Variants in INTS6 observed in about 807,000 individuals in gnomAD.
INTS6 encodes the protein integrator complex subunit 6.
Under a neutral mutation model 104.9 loss-of-function variants are expected in INTS6, and 16 were observed. That is an observed-to-expected ratio of 0.15 (90% CI 0.10 to 0.23). INTS6 has a LOEUF of 0.23. Ranked by LOEUF, INTS6 falls within the 10% of genes least tolerant of loss-of-function variation. INTS6 has a pLI of 1.00. For synonymous variants in INTS6, 324 were observed against 358.7 expected, an observed-to-expected ratio of 0.90 and a Z score of 1.09; for missense variants, 584 against 1,062.8, an observed-to-expected ratio of 0.55 and a Z score of 6.26.
intron 3 of INTS6, among the ~76,000 whole-genome samples, chr13:51,432,819 G>A (rs1045452378): frequency 3.3e-5 from 5 of 152,198 alleles, no homozygotes; most frequent in East Asian, 3.9e-4. Context: ...CTACTCATTC[G>A]TGTTGGCCAT....
chr13:51,374,314 G>A lies in INTS6; in HGVS notation c.1998C>T (p.Gly666=). ...RRRCMSPLLR[G]RQQNPVVNNH... is the part of the protein sequence containing the mutation. ...TGTTTACAACAGGATTCTGCTGTCTGCCTCTTAGTAGTGGAGACATACACC... is the reference window on the plus strand; with the variant it reads ...TGTTTACAACAGGATTCTGCTGTCTACCTCTTAGTAGTGGAGACATACACC... Residue 666 remains glycine (G), a synonymous_variant, in exon 15 of 18, where the codon GGC becomes GGT. Coordinates refer to ENST00000311234, the MANE Select transcript of INTS6 (RefSeq NM_012141.3). 1 of 1,613,898 alleles carries A rather than the reference G, an allele frequency of 6.2e-7. No individual in the cohort carries two copies. The highest frequency in any genetic ancestry group is 8.5e-7 in the Non-Finnish European group (1 of 1,179,792).
chr13:51,451,230 A>G (rs905729727), intron 2 of INTS6, 56 bp from the exon 3 acceptor site: 2 of 1,398,032 alleles, frequency 1.4e-6, no homozygotes, highest in Admixed American at 2.6e-5. Flanking sequence ...ATGTACACAG[A>G]GCCGTTATAA....
At chr13:51,367,996 A>C in intron 16 of INTS6, 98 bp from the exon 17 acceptor site, 1 of 574,024 alleles carries the variant, frequency 1.7e-6, no homozygotes, top group Non-Finnish European at 2.9e-6. Flanking sequence ...AGATATACTG[A>C]GATAAAAACA....
At chr13:51,368,884 GC>G in intron 16 of INTS6, 54 bp downstream of exon 16, 1 of 1,478,720 alleles carries the variant, frequency 6.8e-7, no homozygotes, top group South Asian at 1.5e-5. Context: ...TTTCTTTTTT[GC>G]TTTTTGAGCA....
intron 7 of INTS6, among the ~76,000 whole-genome samples, chr13:51,387,180 G>A (rs1956155846): frequency 6.6e-6 from 1 of 152,150 alleles, no homozygotes; most frequent in Non-Finnish European, 1.5e-5. Flanking sequence ...CGAAGGAGAT[G>A]CCTTTTTTCT....
At chr13:51,423,278 G>GT (rs1471018761) in intron 4 of INTS6, among the ~76,000 whole-genome samples, 4 of 152,006 alleles carry the variant, frequency 2.6e-5, no homozygotes, top group Non-Finnish European at 4.4e-5. Context: ...AAAATTAAGT[G>GT]TAACTATCAC....
At chr13:51,398,789 C>T (rs1393022092) in intron 4 of INTS6, among the ~76,000 whole-genome samples, 3 of 147,230 alleles carry the variant, frequency 2.0e-5, no homozygotes, top group African/African-American at 7.5e-5. Context: ...AAACGGGAAA[C>T]AATTTAGAAG....
the INTS6 span, among the ~76,000 whole-genome samples, chr13:51,343,378 C>A: frequency 1.3e-5 from 2 of 152,190 alleles, no homozygotes; most frequent in Non-Finnish European, 2.9e-5. Context: ...CTGGACTCAC[C>A]AGTGGGCAAG....
At chr13:51,417,628 G>T (rs895137199) in intron 4 of INTS6, among the ~76,000 whole-genome samples, 3 of 151,650 alleles carry the variant, frequency 2.0e-5, no homozygotes, top group Admixed American at 6.6e-5. Context: ...CTAATTTTTT[G>T]TATTTTTTAA....
intron 3 of INTS6, chr13:51,450,559 A>G: frequency 1.0e-6 from 1 of 985,498 alleles, no homozygotes; most frequent in Non-Finnish European, 1.2e-6. Context: ...CCAGTGAAAA[A>G]CTTCTTACCT....
intron 2 of INTS6, chr13:51,451,720 G>A (rs1953053751): frequency 5.2e-6 from 1 of 193,600 alleles, no homozygotes; most frequent in Non-Finnish European, 1.0e-5. Flanking sequence ...GTTGATAGCA[G>A]CGCCGCCGCC....
At chr13:51,375,254 A>G (rs1046180927) in intron 13 of INTS6, among the ~76,000 whole-genome samples, 2 of 151,666 alleles carry the variant, frequency 1.3e-5, no homozygotes, top group Admixed American at 1.3e-4. Context: ...TAGGGAGGCT[A>G]AGGAGGAGAA....
At chr13:51,370,261 G>A (rs958331904) in intron 15 of INTS6, among the ~76,000 whole-genome samples, 1 of 152,138 alleles carries the variant, frequency 6.6e-6, no homozygotes, top group Admixed American at 6.5e-5. Context: ...GCTTTCTCTT[G>A]CACAATCTCC....
rs1955674508 is a variant in INTS6 at position 51,365,808 on chromosome 13, A to C, written c.2608T>G (p.Phe870Val). ...GCTCTTCGATGAATTTCATCCAAGA[A>C]GTTCTCCAGTTGTTCTATTAGCATT... ...KRMLIEQLENFLDEIHRRANQ... is the reference protein window; with the variant it reads ...KRMLIEQLENVLDEIHRRANQ... The change falls in exon 18 of 18, where the codon TTC becomes GTC. Residue 870 changes from phenylalanine to valine, a missense_variant. Phe to Val is a conservative substitution (Grantham distance 50). This residue lies in a region of INTS6 where 296 missense variants were observed against 437.0 expected (regional missense o/e 0.68). Transcript: ENST00000311234. 6.2e-7 allele frequency: 1 copy of C among 1,602,938 alleles called. No individual in the cohort carries two copies.
At chr13:51,413,253 G>C (rs115762517) in intron 4 of INTS6, among the ~76,000 whole-genome samples, 1,762 of 152,126 alleles carry the variant, frequency 0.012, 29 homozygotes, top group African/African-American at 0.04. Context: ...CTTGACAAAT[G>C]CAGATCACAG....
intron 15 of INTS6, among the ~76,000 whole-genome samples, chr13:51,372,310 T>G (rs1046418063): frequency 1.4e-4 from 21 of 151,992 alleles, no homozygotes; most frequent in South Asian, 4.2e-4. Context: ...GAACAGTTTT[T>G]TTTTTTTTTT....
the INTS6 span, among the ~76,000 whole-genome samples, chr13:51,338,991 T>C: frequency 3.7e-3 from 571 of 152,354 alleles, 1 homozygote; most frequent in Non-Finnish European, 6.4e-3. Context: ...TAATTCTGAA[T>C]TGATCACAAG....
At position 51,374,323 on chromosome 13, in the gene INTS6, T is replaced by C. The variant is rs1955872847; in HGVS notation, c.1989A>G (p.Leu663=). The C allele has an allele frequency of 2.5e-6, 4 of 1,613,876 alleles. No individual in the cohort carries two copies. The African/African-American group carries it at 4.0e-5, about 16-fold the overall frequency. ...CAGGATTCTGCTGTCTGCCTCTTAG[T>C]AGTGGAGACATACACCGACGTCTTT... is the stretch of plus-strand genomic sequence containing the variant. ...IPKRRRCMSP[L]LRGRQQNPVV... Residue 663 remains leucine (L), a synonymous_variant, in exon 15 of 18, where the codon CTA becomes CTG. Transcript: ENST00000311234.
At chr13:51,394,517 C>T (rs1213786623) in intron 5 of INTS6, among the ~76,000 whole-genome samples, 1 of 151,964 alleles carries the variant, frequency 6.6e-6, no homozygotes, top group African/African-American at 2.4e-5. Context: ...GTCACAGGCC[C>T]TTATCATAAG....
Sources: allele counts gnomAD v4.1 joint callset (sites outside exome capture counted in the v4.1 genomes callset), GRCh38; gene constraint gnomAD v4.1.1; regional missense constraint gnomAD v4.1.1; transcripts MANE v1.5; gene names NCBI Gene and HGNC (gene_info 2026-07-23, HGNC 2026-07-21).